SSBP3: variants seen among roughly 807,000 people sequenced by gnomAD.
SSBP3 encodes the protein single stranded DNA binding protein 3, also known as single-stranded DNA-binding protein 3.
Under a neutral mutation model 69.6 loss-of-function variants are expected in SSBP3, and 5 were observed. The ratio of observed to expected loss-of-function variants is 0.07; its 90% CI spans 0.04 to 0.15. The LOEUF is 0.15. Among genes scored for constraint, SSBP3 ranks in the 10% least tolerant of loss-of-function variants. The pLI, the probability that SSBP3 is intolerant of heterozygous loss-of-function variation, is 1.00. For synonymous variants in SSBP3, 196 were observed against 193.4 expected, an observed-to-expected ratio of 1.01 and a Z score of -0.11; for missense variants, 312 against 534.0, an observed-to-expected ratio of 0.58 and a Z score of 4.10.
intron 13 of SSBP3, among the ~76,000 whole-genome samples, chr1:54,240,122 A>ACACAC (rs150313880): frequency 1.3e-5 from 1 of 78,038 alleles, no homozygotes; most frequent in Non-Finnish European, 2.4e-5. Flanking sequence ...GCGCGCGCGC[A>ACACAC]ACACATGCCC....
intron 4 of SSBP3, 91 bp from the exon 5 acceptor site, chr1:54,281,618 C>G (rs1004842521): frequency 8.4e-7 from 1 of 1,195,910 alleles, no homozygotes; most frequent in Non-Finnish European, 1.2e-6. Flanking sequence ...CCCTGTCCGT[C>G]CACATTCCCC....
intron 4 of SSBP3, among the ~76,000 whole-genome samples, chr1:54,305,173 T>A (rs980315042): frequency 6.6e-6 from 1 of 151,986 alleles, no homozygotes; most frequent in African/African-American, 2.4e-5. Flanking sequence ...CTTTCTTAAC[T>A]AAGTAAGATG....
At chr1:54,283,320 G>C (rs1215876997) in intron 4 of SSBP3, among the ~76,000 whole-genome samples, 1 of 149,264 alleles carries the variant, frequency 6.7e-6, no homozygotes, top group Non-Finnish European at 1.5e-5. Flanking sequence ...TTCCAACTTT[G>C]ATGAAAGGAA....
chr1:54,410,728 C>T (rs1034717549), upstream of SSBP3, among the ~76,000 whole-genome samples: 5 of 152,186 alleles, frequency 3.3e-5, no homozygotes, highest in African/African-American at 1.2e-4. Flanking sequence ...CCCCTCTGAG[C>T]CTCACCGTCC....
intron 9 of SSBP3, among the ~76,000 whole-genome samples, chr1:54,243,683 T>C (rs1644682181): frequency 6.6e-6 from 1 of 151,886 alleles, no homozygotes; most frequent in South Asian, 2.1e-4. Context: ...GGCTCTGAGG[T>C]GAGGAGGCAG....
chr1:54,353,045 G>T (rs74071658), intron 4 of SSBP3, among the ~76,000 whole-genome samples: 1,597 of 152,258 alleles, frequency 0.01, 28 homozygotes, highest in African/African-American at 0.037. Context: ...GGACAGCGCC[G>T]TGTCCTCAGA....
chr1:54,372,080 C>T (rs1019706598), intron 4 of SSBP3, among the ~76,000 whole-genome samples: 10 of 152,298 alleles, frequency 6.6e-5, no homozygotes, highest in African/African-American at 2.2e-4. Flanking sequence ...TCCTGTCAGG[C>T]AAGGCAGGCT....
intron 1 of SSBP3, 125 bp from the exon 2 acceptor site, chr1:54,405,055 G>T: frequency 1.2e-6 from 1 of 842,650 alleles, no homozygotes; most frequent in Non-Finnish European, 2.0e-6. Flanking sequence ...CCGACCAGAG[G>T]TAAGCAGCTA....
At chr1:54,295,332 G>A (rs963999525) in intron 4 of SSBP3, among the ~76,000 whole-genome samples, 2 of 152,148 alleles carry the variant, frequency 1.3e-5, no homozygotes, top group Non-Finnish European at 2.9e-5. Flanking sequence ...TCTACCTAGA[G>A]AACTCCCAGT....
chr1:54,304,403 G>A (rs1645859257), intron 4 of SSBP3, among the ~76,000 whole-genome samples: 1 of 152,024 alleles, frequency 6.6e-6, no homozygotes. Flanking sequence ...GGGGGGATGG[G>A]GGTGGGGAGG....
chr1:54,265,003 T>C (rs970112797), intron 5 of SSBP3, among the ~76,000 whole-genome samples: 3 of 152,116 alleles, frequency 2.0e-5, no homozygotes, highest in African/African-American at 7.2e-5. Context: ...ATTACAATAA[T>C]TATACACAGC....
At chr1:54,234,631 T>C (rs1644454300) in intron 14 of SSBP3, among the ~76,000 whole-genome samples, 1 of 152,084 alleles carries the variant, frequency 6.6e-6, no homozygotes, top group African/African-American at 2.4e-5. Context: ...AAACAAACAT[T>C]ACTAATATTT....
chr1:54,341,206 T>C (rs1202546626), intron 4 of SSBP3, among the ~76,000 whole-genome samples: 1 of 152,144 alleles, frequency 6.6e-6, no homozygotes, highest in Non-Finnish European at 1.5e-5. Context: ...GTGCTTTCTG[T>C]TCTCTAGGCT....
chr1:54,393,396 T>G (rs1648637504), intron 4 of SSBP3, among the ~76,000 whole-genome samples: 1 of 152,158 alleles, frequency 6.6e-6, no homozygotes, highest in South Asian at 2.1e-4. Context: ...CACACACCTC[T>G]CACCCCAACG....
chr1:54,243,810 G>A (rs932737606), intron 9 of SSBP3, among the ~76,000 whole-genome samples: 1 of 152,212 alleles, frequency 6.6e-6, no homozygotes, highest in Non-Finnish European at 1.5e-5. Flanking sequence ...CCCAGGTCCA[G>A]GTGGTAGTCC....
chr1:54,351,613 T>C (rs1646781452), intron 4 of SSBP3, among the ~76,000 whole-genome samples: 1 of 152,222 alleles, frequency 6.6e-6, no homozygotes, highest in South Asian at 2.1e-4. Flanking sequence ...TAAATGAAAC[T>C]TTAACAACAA....
chr1:54,248,903 A>T lies in SSBP3; in HGVS notation c.651+2713T>A, dbSNP rs976758710. ...AATAAAGAGCAGGAGATATGCTTCCAGAGTTCCTGAGGTTGGCAAGGGTGT... is the reference window on the plus strand; with the variant it reads ...AATAAAGAGCAGGAGATATGCTTCCTGAGTTCCTGAGGTTGGCAAGGGTGT... On this transcript the variant is annotated intron_variant, in intron 9 of 17. Transcript: ENST00000610401. Among the ~76,000 whole-genome samples, 3 of 152,332 alleles carry T rather than the reference A, an allele frequency of 2.0e-5. No individual in the cohort carries two copies. The South Asian group carries it at 6.2e-4, about 32-fold the overall frequency.
At chr1:54,256,560 C>T (rs756997246) in intron 7 of SSBP3, among the ~76,000 whole-genome samples, 4 of 152,064 alleles carry the variant, frequency 2.6e-5, no homozygotes, top group Admixed American at 6.5e-5. Context: ...TCTAATTACA[C>T]GAACAAATCC....
At chr1:54,412,801 G>C (rs1650027070) in intron 1 of SSBP3, 1 of 152,140 alleles carries the variant, frequency 6.6e-6, no homozygotes, top group African/African-American at 2.4e-5. Flanking sequence ...TGCAGCCTCT[G>C]TCTCACGAGT....
Sources: allele counts gnomAD v4.1 joint callset (sites outside exome capture counted in the v4.1 genomes callset), GRCh38; gene constraint gnomAD v4.1.1; transcripts MANE v1.5; gene names NCBI Gene and HGNC (gene_info 2026-07-23, HGNC 2026-07-21).